The following PDE1C variants were observed in gnomAD, a reference collection of about 807,000 sequenced individuals.
PDE1C encodes phosphodiesterase 1C.
PDE1C carries 62 observed loss-of-function variants against 93.1 expected under a neutral mutation model. The ratio of observed to expected loss-of-function variants is 0.67; its 90% CI spans 0.54 to 0.82. PDE1C has a LOEUF of 0.82. PDE1C is among the 40% of genes least tolerant of loss of function. PDE1C has a pLI of 0.00. For synonymous variants in PDE1C, 325 were observed against 310.1 expected (o/e 1.05, Z -0.50); for missense variants, 742 against 884.6 (o/e 0.84, Z 2.04).
chr7:32,420,182 C>T (rs56335445), intron 1 of PDE1C, among the ~76,000 whole-genome samples: 28 of 35,930 alleles, frequency 7.8e-4, no homozygotes, highest in Non-Finnish European at 1.2e-3. Context: ...TATATATACA[C>T]ATATATATGT....
At chr7:32,242,648 AGACTGGTGGCAG>A (rs371484326) in intron 1 of PDE1C, among the ~76,000 whole-genome samples, 9 of 152,286 alleles carry the variant, frequency 5.9e-5, no homozygotes, top group African/African-American at 2.2e-4. Flanking sequence ...TGGGTGGCAG[AGACTGGTGGCAG>A]GAGCTTTAAA....
chr7:31,970,744 A>G (rs538804465), intron 2 of PDE1C, among the ~76,000 whole-genome samples: 1 of 152,358 alleles, frequency 6.6e-6, no homozygotes, highest in African/African-American at 2.4e-5. Context: ...CATGGGGGAA[A>G]GACTGTTTAA....
the PDE1C span, chr7:31,643,863 C>A: frequency 6.2e-7 from 1 of 1,613,936 alleles, no homozygotes; most frequent in South Asian, 1.1e-5. Flanking sequence ...TCTGTAGGCA[C>A]TGCCTGTGTT....
chr7:31,795,679 C>T (rs1175638000), intron 16 of PDE1C, among the ~76,000 whole-genome samples: 2 of 151,748 alleles, frequency 1.3e-5, no homozygotes, highest in East Asian at 3.9e-4. Flanking sequence ...TGGTAAGAGA[C>T]TGGGATCTAA....
intron 2 of PDE1C, among the ~76,000 whole-genome samples, chr7:32,046,145 A>C (rs533499267): frequency 6.6e-6 from 1 of 152,168 alleles, no homozygotes; most frequent in African/African-American, 2.4e-5. Flanking sequence ...AATTATCTGC[A>C]CATGTCTGTA....
At chr7:31,642,578 T>G in the PDE1C span, 1 of 1,035,006 alleles carries the variant, frequency 9.7e-7, no homozygotes, top group Non-Finnish European at 1.4e-6. Context: ...TTGCAACCCT[T>G]ATCTCCTGAC....
intron 1 of PDE1C, among the ~76,000 whole-genome samples, chr7:32,405,417 A>G (rs992937384): frequency 1.3e-5 from 2 of 151,610 alleles, no homozygotes; most frequent in Non-Finnish European, 2.9e-5. Context: ...ACGCCTGGCT[A>G]ATTTTGTATT....
At chr7:32,151,432 T>C (rs1355983013) in intron 3 of PDE1C, among the ~76,000 whole-genome samples, 1 of 152,196 alleles carries the variant, frequency 6.6e-6, no homozygotes, top group Non-Finnish European at 1.5e-5. Flanking sequence ...GTGAATCTAT[T>C]TTGGAAATTT....
At chr7:31,715,232 T>G in the PDE1C span, among the ~76,000 whole-genome samples, 7 of 151,972 alleles carry the variant, frequency 4.6e-5, no homozygotes, top group African/African-American at 1.7e-4. Context: ...TCATTAATTA[T>G]ATGTAAAGGC....
At chr7:32,260,099 A>G (rs1442563801) in intron 1 of PDE1C, among the ~76,000 whole-genome samples, 4 of 152,182 alleles carry the variant, frequency 2.6e-5, no homozygotes, top group Non-Finnish European at 5.9e-5. Flanking sequence ...GCGGACTGAT[A>G]GGGGTCACCT....
At chr7:32,069,911 T>C (rs537398660) in intron 1 of PDE1C, among the ~76,000 whole-genome samples, 1 of 152,330 alleles carries the variant, frequency 6.6e-6, no homozygotes, top group East Asian at 1.9e-4. Context: ...CCCAAGTGTA[T>C]GCAAGCAGTT....
At chr7:32,365,378 G>A (rs1784210512) in intron 1 of PDE1C, among the ~76,000 whole-genome samples, 1 of 152,088 alleles carries the variant, frequency 6.6e-6, no homozygotes, top group Non-Finnish European at 1.5e-5. Flanking sequence ...TGCATCACAG[G>A]CCTGAGAAAC....
chr7:32,083,927 G>A (rs4299896), intron 3 of PDE1C, among the ~76,000 whole-genome samples: 90,982 of 148,280 alleles, frequency 0.61, 28,040 homozygotes, highest in African/African-American at 0.69. Context: ...TCGAGACTAG[G>A]AAGAAACTAC....
chr7:32,407,014 G>A (rs550738963), intron 1 of PDE1C, among the ~76,000 whole-genome samples: 16 of 152,304 alleles, frequency 1.1e-4, no homozygotes, highest in South Asian at 8.3e-4. Flanking sequence ...GGTGGCTCAT[G>A]CCTGTAATCC....
At chr7:32,112,543 C>G (rs1798700441) in intron 3 of PDE1C, among the ~76,000 whole-genome samples, 1 of 151,570 alleles carries the variant, frequency 6.6e-6, no homozygotes, top group African/African-American at 2.4e-5. Flanking sequence ...TAGCTCATGG[C>G]AACATTGAGC....
intron 1 of PDE1C, among the ~76,000 whole-genome samples, chr7:32,265,181 C>T (rs937320335): frequency 2.6e-5 from 4 of 152,222 alleles, no homozygotes; most frequent in African/African-American, 9.7e-5. Context: ...CTCACTACCC[C>T]TTAGCCCAGA....
At chr7:31,875,832 T>TATATATATATATAA (rs1796511348) in intron 5 of PDE1C, among the ~76,000 whole-genome samples, 1 of 60,310 alleles carries the variant, frequency 1.7e-5, no homozygotes, top group Non-Finnish European at 4.4e-5. Flanking sequence ...TATATATATA[T>TATATATATATATAA]ATAATGGAAA....
chr7:31,740,011 C>T, the PDE1C span, among the ~76,000 whole-genome samples: 4 of 152,212 alleles, frequency 2.6e-5, no homozygotes, highest in Non-Finnish European at 4.4e-5. Context: ...CACGTTCATG[C>T]AGGCTGTCAT....
chr7:31,811,945 G>C (rs1250106220), intron 15 of PDE1C, among the ~76,000 whole-genome samples: 1 of 152,132 alleles, frequency 6.6e-6, no homozygotes, highest in African/African-American at 2.4e-5. Context: ...GAAGGGGGCT[G>C]GGACAGTGAC....
Sources: allele counts gnomAD v4.1 joint callset (sites outside exome capture counted in the v4.1 genomes callset), GRCh38; gene constraint gnomAD v4.1.1; transcripts MANE v1.5; gene names NCBI Gene and HGNC (gene_info 2026-07-23, HGNC 2026-07-21).